Variants in PHACTR2 observed in about 807,000 individuals in gnomAD.
The protein encoded by PHACTR2 is chromosome 6 open reading frame 56.
A neutral mutation model predicts 76.0 loss-of-function variants in PHACTR2; 30 were observed. That is an observed-to-expected ratio of 0.39 (90% CI 0.30 to 0.54). PHACTR2 has a LOEUF of 0.54. Among genes scored for constraint, PHACTR2 ranks in the 20% least tolerant of loss-of-function variants. The pLI is 0.61. For missense variants in PHACTR2, 696 were observed against 781.1 expected (o/e 0.89, Z 1.30); for synonymous variants, 292 against 292.5 (o/e 1.00, Z 0.02).
rs1212275577 is a variant in PHACTR2, at chr6:143,742,595, C to T, written c.215-6390C>T. On this transcript the variant is annotated intron_variant, in intron 2 of 12. Coordinates refer to ENST00000440869, the MANE Select transcript of PHACTR2 (RefSeq NM_001100164.2). The surrounding 1 kb of genome is among the most constrained non-coding windows in gnomAD (Gnocchi z 4.5). ...AGCCCAGGAGCCCAAGAGCCTTGTG[C>T]CCAGGGATGAGGTTAGCCTTCTACA... Among the ~76,000 whole-genome samples, 2 of 152,138 alleles carry T rather than the reference C, an allele frequency of 1.3e-5. No homozygotes were observed. The highest frequency in any genetic ancestry group is 6.5e-5 in the Admixed American group (1 of 15,284).
intron 12 of PHACTR2, among the ~76,000 whole-genome samples, chr6:143,817,069 C>T (rs185811815): frequency 1.3e-5 from 2 of 150,064 alleles, no homozygotes; most frequent in African/African-American, 2.5e-5. Context: ...GTGTCCCCCC[C>T]ACCCCCCAAA....
rs774455324 is a variant in PHACTR2, at chr6:143,678,147, G to A, written c.-17G>A. ...AGGAGCCGCTTGATCGCTGGACCTG[G>A]CCCTGCGACCCCAGTCATGGGCCAG... is the stretch of plus-strand genomic sequence containing the variant. On this transcript the variant is annotated 5_prime_UTR_variant, in exon 1 of 13. An upstream open reading frame in the 5' UTR gains an earlier in-frame stop. Coordinates refer to ENST00000440869, the MANE Select transcript of PHACTR2 (RefSeq NM_001100164.2). The surrounding 1 kb of genome is among the most constrained non-coding windows in gnomAD (Gnocchi z 6.2). 2.6e-6 allele frequency: 4 copies of A among 1,545,562 alleles called. No homozygotes were observed. The highest frequency in any genetic ancestry group is 1.2e-5 in the South Asian group (1 of 83,936).
chr6:143,823,593 C>A lies in PHACTR2; in HGVS notation c.1923-81C>A. ...ATCTGGGGTACCTTTTCATTGTAAACATGACCACGCCTTATTCAGCTCACT... is the reference window on the plus strand; with the variant it reads ...ATCTGGGGTACCTTTTCATTGTAAAAATGACCACGCCTTATTCAGCTCACT... On this transcript the variant is annotated intron_variant, in intron 12 of 12. Transcript: ENST00000440869. The surrounding 1 kb of genome is among the most constrained non-coding windows in gnomAD (Gnocchi z 5.7). 1 of 1,058,746 alleles carries A rather than the reference C, an allele frequency of 9.4e-7. No homozygotes were observed. The highest frequency in any genetic ancestry group is 1.5e-6 in the Non-Finnish European group (1 of 684,798). The allele number at this position is 1,058,746 out of a possible 1,614,324, so 65.6% of individuals were successfully genotyped here. A position where few individuals can be genotyped will look rare whatever the true frequency, so the allele number is the denominator to read the frequency against.
At position 143,791,087 on chromosome 6, in the gene PHACTR2, T is replaced by C. The variant is rs185517972; in HGVS notation, c.1845+2177T>C. 3.5e-4 allele frequency among the ~76,000 whole-genome samples: 53 copies of C among 152,364 alleles called. 1 individual carries two copies. The East Asian group carries it at 9.1e-3, about 26-fold the overall frequency. On this transcript the variant is annotated intron_variant, in intron 11 of 12. Coordinates refer to ENST00000440869, the MANE Select transcript of PHACTR2 (RefSeq NM_001100164.2). This position sits in a 1 kb window ranked among gnomAD's most constrained non-coding sequence, Gnocchi z 4.7. ...TTGCATACCAAAATGATAGATATAT[T>C]CTCATATACTGTCTTCTAAATTGTT...
chr6:143,674,434 C>T (rs1777207617), upstream of PHACTR2, among the ~76,000 whole-genome samples: 1 of 152,136 alleles, frequency 6.6e-6, no homozygotes. This position sits in a 1 kb window ranked among gnomAD's most constrained non-coding sequence, Gnocchi z 4.9. Flanking sequence ...TTTTCTATTG[C>T]TACAATTCCC....
chr6:143,756,042 A>T (rs758592495), intron 4 of PHACTR2, among the ~76,000 whole-genome samples: 4 of 152,078 alleles, frequency 2.6e-5, no homozygotes, highest in Non-Finnish European at 5.9e-5. Flanking sequence ...GCATGAAGCC[A>T]ACTTATTCAA....
intron 1 of PHACTR2, among the ~76,000 whole-genome samples, chr6:143,629,759 G>C (rs527868711): frequency 6.6e-6 from 1 of 152,046 alleles, no homozygotes; most frequent in Non-Finnish European, 1.5e-5. Context: ...CCAAAACAGA[G>C]CAGTGCGCTC....
At chr6:143,721,901 T>G (rs1778452601) in intron 2 of PHACTR2, among the ~76,000 whole-genome samples, 1 of 152,204 alleles carries the variant, frequency 6.6e-6, no homozygotes. Flanking sequence ...AGGGTGCCTG[T>G]GCATCTGGCA....
rs1237189689 is a variant in PHACTR2, at chr6:143,803,397, A to G, written c.1846-3660A>G. Reference sequence around the variant, plus strand: ...ATCCATCTCCACAAAAGATACAAAAAATTAGCCAGGCATGATGGCGCACAC... The same window carrying G: ...ATCCATCTCCACAAAAGATACAAAAGATTAGCCAGGCATGATGGCGCACAC... On this transcript the variant is annotated intron_variant, in intron 11 of 12. Transcript: ENST00000440869. The surrounding 1 kb of genome is among the most constrained non-coding windows in gnomAD (Gnocchi z 4.7). Among the ~76,000 whole-genome samples the G allele has an allele frequency of 6.6e-6, 1 of 152,068 alleles. No individual in the cohort carries two copies. Among genetic ancestry groups the G allele is most frequent in the African/African-American group, 2.4e-5 (1 of 41,396 alleles).
chr6:143,703,739 T>A (rs1284460010), intron 1 of PHACTR2, among the ~76,000 whole-genome samples: 1 of 152,172 alleles, frequency 6.6e-6, no homozygotes, highest in East Asian at 1.9e-4. Context: ...CATCAGCTGA[T>A]AAAAAGCAAT....
chr6:143,622,129 C>T (rs1393146263), intron 1 of PHACTR2, among the ~76,000 whole-genome samples: 2 of 152,078 alleles, frequency 1.3e-5, no homozygotes, highest in Non-Finnish European at 1.5e-5. Flanking sequence ...AGTTGCAGTT[C>T]GGTTGATTTC....
At chr6:143,629,266 T>G (rs1468771744) in intron 1 of PHACTR2, among the ~76,000 whole-genome samples, 4 of 152,094 alleles carry the variant, frequency 2.6e-5, no homozygotes, top group Non-Finnish European at 4.4e-5. Context: ...TAACCACGTC[T>G]GCTGAGGGGG....
Position 143,647,064 on chromosome 6 carries a change from A to T in PHACTR2, c.13+38742A>T, listed in dbSNP as rs569477581. 1.3e-5 allele frequency among the ~76,000 whole-genome samples: 2 copies of T among 152,306 alleles called. No homozygotes were observed. The highest frequency in any genetic ancestry group is 2.1e-4 in the South Asian group (1 of 4,824). On this transcript the variant is annotated intron_variant, in intron 1 of 11. Coordinates refer to the PHACTR2 transcript ENST00000305766. This position sits in a 1 kb window ranked among gnomAD's most constrained non-coding sequence, Gnocchi z 4.2. Reference sequence around the variant, plus strand: ...CAGTTACATTTTTTTCTAAGGGGTAAAAAGCACAAACCAGAATTATGCTAG... The same window carrying T: ...CAGTTACATTTTTTTCTAAGGGGTATAAAGCACAAACCAGAATTATGCTAG...
chr6:143,726,454 A>G (rs1488680349), intron 2 of PHACTR2, among the ~76,000 whole-genome samples: 1 of 152,102 alleles, frequency 6.6e-6, no homozygotes, highest in Non-Finnish European at 1.5e-5. Flanking sequence ...CCAGTAACCC[A>G]CCATTCTACT....
In PHACTR2 at chr6:143,548,448, C is replaced by G. The variant is rs545138186; in HGVS notation, c.217+11241C>G. On this transcript the variant is annotated intron_variant, in intron 1 of 11. Transcript: ENST00000367584. This position sits in a 1 kb window ranked among gnomAD's most constrained non-coding sequence, Gnocchi z 4.5. Reference sequence around the variant, plus strand: ...GTCTTTCCCTCCCTCCCAGACTTCTCTGATGCTGTGAGCATATATTCTCCT... The same window carrying G: ...GTCTTTCCCTCCCTCCCAGACTTCTGTGATGCTGTGAGCATATATTCTCCT... Among the ~76,000 whole-genome samples, 11 of 152,230 alleles carry G rather than the reference C, an allele frequency of 7.2e-5. No homozygotes were observed. Among genetic ancestry groups the G allele is most frequent in the Non-Finnish European group, 1.5e-4 (10 of 67,978 alleles).
intron 1 of PHACTR2, among the ~76,000 whole-genome samples, chr6:143,642,270 A>G (rs1776579158): frequency 6.6e-6 from 1 of 152,246 alleles, no homozygotes; most frequent in South Asian, 2.1e-4. Flanking sequence ...CATTGTTATT[A>G]GGGAGAAATT....
At chr6:143,779,509 C>T (rs1022027641) in intron 9 of PHACTR2, among the ~76,000 whole-genome samples, 1 of 152,046 alleles carries the variant, frequency 6.6e-6, no homozygotes, top group Non-Finnish European at 1.5e-5. Context: ...ATCACCATGC[C>T]TGGCTAATTT....
Position 143,819,671 on chromosome 6 carries a change from C to A in PHACTR2, c.1923-4003C>A, listed in dbSNP as rs1373501034. On this transcript the variant is annotated intron_variant, in intron 12 of 12. Coordinates refer to ENST00000440869, the MANE Select transcript of PHACTR2 (RefSeq NM_001100164.2). The surrounding 1 kb of genome is among the most constrained non-coding windows in gnomAD (Gnocchi z 5.0). ...AGGACAAGAGAGGAAGAGCATGTATCCCAGCTCCAGTAGATAGATTGACAT... is the reference window on the plus strand; with the variant it reads ...AGGACAAGAGAGGAAGAGCATGTATACCAGCTCCAGTAGATAGATTGACAT... 6.6e-6 allele frequency among the ~76,000 whole-genome samples: 1 copy of A among 152,094 alleles called. No homozygotes were observed. The highest frequency in any genetic ancestry group is 1.5e-5 in the Non-Finnish European group (1 of 68,024).
chr6:143,604,297 G>T (rs1282735485), upstream of PHACTR2, among the ~76,000 whole-genome samples: 5 of 152,056 alleles, frequency 3.3e-5, no homozygotes, highest in Admixed American at 3.3e-4. Flanking sequence ...TAATTACGTG[G>T]ACAGTTTACT....
Sources: gnomAD v4.1 joint callset for allele counts (sites outside exome capture counted in the v4.1 genomes callset) on GRCh38, gnomAD v4.1.1 for gene constraint, Gnocchi (gnomAD v3.1) non-coding constraint, MANE v1.5 for transcripts, NCBI Gene and HGNC (gene_info 2026-07-23, HGNC 2026-07-21) for gene names.